Variants in HPSE2 observed in about 807,000 individuals in gnomAD.
HPSE2 encodes heparanase 2 (inactive).
Under a neutral mutation model 60.5 loss-of-function variants are expected in HPSE2, and 38 were observed. That is an observed-to-expected ratio of 0.63 (90% CI 0.48 to 0.82). HPSE2 has a LOEUF of 0.82. Ranked by LOEUF, HPSE2 falls within the 40% of genes least tolerant of loss-of-function variation. The probability of loss-of-function intolerance (pLI) is 0.00; values close to 1 mark genes in which losing one functional copy is unlikely to be tolerated. For missense variants in HPSE2, 713 were observed against 740.4 expected, an observed-to-expected ratio of 0.96 and a Z score of 0.43; for synonymous variants, 295 against 293.2, an observed-to-expected ratio of 1.01 and a Z score of -0.06.
chr10:99,019,960 C>T (rs1957226000), intron 3 of HPSE2, among the ~76,000 whole-genome samples: 1 of 152,082 alleles, frequency 6.6e-6, no homozygotes, highest in Admixed American at 6.5e-5. Context: ...CATCTGCCCA[C>T]CTCAGCCTCC....
chr10:98,920,619 A>G (rs1202532235), intron 3 of HPSE2, among the ~76,000 whole-genome samples: 3 of 152,302 alleles, frequency 2.0e-5, no homozygotes, highest in African/African-American at 7.2e-5. Flanking sequence ...TTTTACTCCT[A>G]AAGACTTACC....
intron 3 of HPSE2, among the ~76,000 whole-genome samples, chr10:98,946,598 T>A (rs888540711): frequency 3.9e-5 from 6 of 151,918 alleles, no homozygotes; most frequent in Non-Finnish European, 5.9e-5. Context: ...TTCACAGCAG[T>A]TCTGGGAACT....
chr10:98,897,201 G>T (rs1014903771), intron 3 of HPSE2, among the ~76,000 whole-genome samples: 2 of 152,146 alleles, frequency 1.3e-5, no homozygotes, highest in African/African-American at 4.8e-5. Context: ...TGGGATTAGG[G>T]TGAGGGATAA....
the HPSE2 span, among the ~76,000 whole-genome samples, chr10:99,257,442 G>A: frequency 7.2e-5 from 11 of 152,132 alleles, no homozygotes; most frequent in Admixed American, 1.3e-4. Flanking sequence ...TAAAATGGCC[G>A]CTTCGGGGGG....
At chr10:98,698,796 T>C (rs1948311985) in intron 5 of HPSE2, among the ~76,000 whole-genome samples, 1 of 130,246 alleles carries the variant, frequency 7.7e-6, no homozygotes, top group South Asian at 2.4e-4. Context: ...CAATAAAAAA[T>C]GATAAAGGGG....
chr10:99,007,908 AT>A (rs1209324128), intron 3 of HPSE2, among the ~76,000 whole-genome samples: 4 of 152,194 alleles, frequency 2.6e-5, no homozygotes, highest in African/African-American at 7.2e-5. Flanking sequence ...TTCCTGGCTA[AT>A]GCTTTTTATG....
intron 4 of HPSE2, among the ~76,000 whole-genome samples, chr10:98,722,675 C>G (rs1537888): frequency 0.038 from 5,760 of 152,104 alleles, 241 homozygotes; most frequent in East Asian, 0.17. Context: ...CTTCCATTAC[C>G]TTGGTAGTTC....
intron 9 of HPSE2, among the ~76,000 whole-genome samples, chr10:98,580,656 C>T (rs1024286314): frequency 6.6e-6 from 1 of 151,858 alleles, no homozygotes; most frequent in African/African-American, 2.4e-5. Flanking sequence ...CATCAACCAA[C>T]TTATTGGATC....
chr10:98,842,374 C>A (rs1951934834), intron 3 of HPSE2, among the ~76,000 whole-genome samples: 1 of 152,112 alleles, frequency 6.6e-6, no homozygotes, highest in Non-Finnish European at 1.5e-5. Flanking sequence ...ATGGTCTCTG[C>A]CACAAGTTAC....
At chr10:98,920,854 T>C (rs1402550321) in intron 3 of HPSE2, among the ~76,000 whole-genome samples, 4 of 152,214 alleles carry the variant, frequency 2.6e-5, no homozygotes, top group Non-Finnish European at 5.9e-5. Context: ...GCAGACAACA[T>C]AGTCTCCTCT....
intron 3 of HPSE2, among the ~76,000 whole-genome samples, chr10:98,972,284 T>C (rs1217331435): frequency 6.6e-6 from 1 of 152,152 alleles, no homozygotes; most frequent in Non-Finnish European, 1.5e-5. Context: ...ACATTCAAGA[T>C]ACTAATCTCT....
intron 3 of HPSE2, among the ~76,000 whole-genome samples, chr10:98,813,448 T>G (rs900386327): frequency 2.0e-5 from 3 of 152,148 alleles, no homozygotes; most frequent in African/African-American, 7.2e-5. Flanking sequence ...CTCCAAAACA[T>G]TGTGAAGTTG....
chr10:98,933,099 T>G (rs1394832910), intron 3 of HPSE2, among the ~76,000 whole-genome samples: 1 of 144,128 alleles, frequency 6.9e-6, no homozygotes, highest in Non-Finnish European at 1.5e-5. Flanking sequence ...ATGTGAGTAT[T>G]TAGTACTATA....
intron 3 of HPSE2, among the ~76,000 whole-genome samples, chr10:98,811,527 T>C (rs1951169473): frequency 1.3e-5 from 2 of 152,166 alleles, no homozygotes; most frequent in African/African-American, 4.8e-5. Flanking sequence ...AGACAGTACC[T>C]AGGATCAAAA....
chr10:99,271,342 G>C, the HPSE2 span, among the ~76,000 whole-genome samples: 1 of 152,154 alleles, frequency 6.6e-6, no homozygotes, highest in African/African-American at 2.4e-5. Context: ...TACACCAGCA[G>C]CAACCAAGCT....
chr10:98,623,033 T>C (rs377765378), intron 7 of HPSE2, among the ~76,000 whole-genome samples: 4 of 152,058 alleles, frequency 2.6e-5, no homozygotes, highest in African/African-American at 9.7e-5. Flanking sequence ...CAGAGCAGAG[T>C]AATATATTTG....
At chr10:98,883,789 G>T (rs1953091544) in intron 3 of HPSE2, among the ~76,000 whole-genome samples, 1 of 152,058 alleles carries the variant, frequency 6.6e-6, no homozygotes, top group South Asian at 2.1e-4. Context: ...GGGAGACACA[G>T]CAAGACACCA....
At position 98,757,646 on chromosome 10, in the gene HPSE2, C is replaced by A. The variant is rs565075676; in HGVS notation, c.611-13590G>T. ...TAACCAGAGAAATGAAAGATCTCTA[C>A]ACCAAAAATTATGAAACGCTGCTGA... is the stretch of plus-strand genomic sequence containing the variant. On this transcript the variant is annotated intron_variant, in intron 3 of 11. Transcript: ENST00000370552. Among the ~76,000 whole-genome samples the A allele has an allele frequency of 2.0e-5, 3 of 152,128 alleles. No homozygotes were observed. The South Asian group carries it at 6.2e-4, about 32-fold the overall frequency.
At chr10:98,639,120 GT>G (rs1946573860) in intron 7 of HPSE2, among the ~76,000 whole-genome samples, 1 of 152,158 alleles carries the variant, frequency 6.6e-6, no homozygotes, top group African/African-American at 2.4e-5. Flanking sequence ...ACTTCTGAGG[GT>G]AGGTTAGGAA....
Sources: gnomAD v4.1 joint callset for allele counts (sites outside exome capture counted in the v4.1 genomes callset) on GRCh38, gnomAD v4.1.1 for gene constraint, MANE v1.5 for transcripts, NCBI Gene and HGNC (gene_info 2026-07-23, HGNC 2026-07-21) for gene names.